BACH2: variants seen among roughly 807,000 people sequenced by gnomAD.
BACH2 encodes the protein transcription regulator protein BACH2.
A neutral mutation model predicts 61.8 loss-of-function variants in BACH2; 5 were observed. The ratio of observed to expected loss-of-function variants is 0.08; its 90% CI spans 0.04 to 0.17. The LOEUF is 0.17. Among genes scored for constraint, BACH2 ranks in the 10% least tolerant of loss-of-function variants. The pLI, the probability that BACH2 is intolerant of heterozygous loss-of-function variation, is 1.00. For missense variants in BACH2, 824 were observed against 1,091.1 expected, an observed-to-expected ratio of 0.76 and a Z score of 3.45; for synonymous variants, 446 against 440.1, an observed-to-expected ratio of 1.01 and a Z score of -0.17.
At chr6:89,999,028 GAACA>G (rs2127777519) in intron 6 of BACH2, among the ~76,000 whole-genome samples, 1 of 152,284 alleles carries the variant, frequency 6.6e-6, no homozygotes, top group East Asian at 1.9e-4. Flanking sequence ...AGAAAAGACA[GAACA>G]AAAACTGACT....
chr6:90,111,667 A>C (rs552907265), intron 4 of BACH2, among the ~76,000 whole-genome samples: 1 of 152,364 alleles, frequency 6.6e-6, no homozygotes, highest in Non-Finnish European at 1.5e-5. Flanking sequence ...GCCCATACAC[A>C]TCTTCCTATA....
rs555437589 is a variant in BACH2 at position 89,983,936 on chromosome 6, T to C, written c.243+24666A>G. Among the ~76,000 whole-genome samples, 20 of 152,348 alleles carry C rather than the reference T, an allele frequency of 1.3e-4. 1 individual carries two copies. In the South Asian group the frequency reaches 4.1e-3, roughly 32 times the overall value. ...TTTCATGGTCTTATTACTCCTTGCT[T>C]AGTCCGTTGCAACAACCTGGCTGTT... On this transcript the variant is annotated intron_variant, in intron 6 of 8. Coordinates refer to ENST00000257749, the MANE Select transcript of BACH2 (RefSeq NM_021813.4).
chr6:90,266,990 A>G (rs1771355921), intron 2 of BACH2, among the ~76,000 whole-genome samples: 3 of 152,160 alleles, frequency 2.0e-5, no homozygotes, highest in African/African-American at 4.8e-5. Context: ...ATGCCAAGCT[A>G]TAAAGATGCC....
Position 89,983,058 on chromosome 6 carries a change from C to T in BACH2, c.243+25544G>A, listed in dbSNP as rs916359318. Among the ~76,000 whole-genome samples, 5 of 152,192 alleles carry T rather than the reference C, an allele frequency of 3.3e-5. No homozygotes were observed. The South Asian group carries it at 1.0e-3, about 32-fold the overall frequency. On this transcript the variant is annotated intron_variant, in intron 6 of 8. Coordinates refer to ENST00000257749, the MANE Select transcript of BACH2 (RefSeq NM_021813.4). ...CACCCAGTTTCATTGGTTCCCTTTGCCTTGATTTGACCCCACCTGCAGGTG... is the reference window on the plus strand; with the variant it reads ...CACCCAGTTTCATTGGTTCCCTTTGTCTTGATTTGACCCCACCTGCAGGTG...
chr6:90,220,390 C>CA (rs1205395472), intron 3 of BACH2, among the ~76,000 whole-genome samples: 10 of 152,062 alleles, frequency 6.6e-5, no homozygotes, highest in East Asian at 5.8e-4. Context: ...ATATCAAGAA[C>CA]AAAAGAAAGA....
chr6:90,155,698 C>T (rs1784973009), intron 4 of BACH2, among the ~76,000 whole-genome samples: 1 of 152,134 alleles, frequency 6.6e-6, no homozygotes, highest in Non-Finnish European at 1.5e-5. Flanking sequence ...CTCTTTCCTG[C>T]TCTGTTTTTA....
intron 6 of BACH2, among the ~76,000 whole-genome samples, chr6:89,966,834 C>A (rs1775072782): frequency 6.6e-6 from 1 of 152,158 alleles, no homozygotes. Context: ...TCCAGGACTT[C>A]AGGTTGCTGG....
At chr6:89,992,111 T>C (rs1776607786) in intron 6 of BACH2, among the ~76,000 whole-genome samples, 1 of 152,230 alleles carries the variant, frequency 6.6e-6, no homozygotes, top group East Asian at 1.9e-4. Flanking sequence ...TTTCACTCTG[T>C]TGCCACCTAC....
chr6:90,223,500 C>T (rs935937473), intron 3 of BACH2, among the ~76,000 whole-genome samples: 7 of 152,132 alleles, frequency 4.6e-5, no homozygotes, highest in African/African-American at 1.7e-4. Flanking sequence ...CAGGGCCTCA[C>T]TGCAGTTGCC....
At chr6:89,969,658 T>C (rs1775252220) in intron 6 of BACH2, among the ~76,000 whole-genome samples, 1 of 152,216 alleles carries the variant, frequency 6.6e-6, no homozygotes, top group South Asian at 2.1e-4. Flanking sequence ...ATTAACACCC[T>C]TCTCTACCTG....
intron 6 of BACH2, among the ~76,000 whole-genome samples, chr6:89,969,715 C>T (rs1291516400): frequency 6.6e-6 from 1 of 152,158 alleles, no homozygotes; most frequent in African/African-American, 2.4e-5. Flanking sequence ...TCAAATGGGG[C>T]TCATAAAAGG....
In BACH2 at chr6:90,116,196, T is replaced by A. The variant is rs540239123; in HGVS notation, c.-161-27087A>T. On this transcript the variant is annotated intron_variant, in intron 4 of 8. Transcript: ENST00000257749. Reference sequence around the variant, plus strand: ...TCCCATAAAGACACACGCATGCAAATGTTCACTGCAGCACTGTTCACAATA... The same window carrying A: ...TCCCATAAAGACACACGCATGCAAAAGTTCACTGCAGCACTGTTCACAATA... Among the ~76,000 whole-genome samples the A allele has an allele frequency of 5.7e-4, 87 of 152,296 alleles. 1 individual carries two copies. In the South Asian group the frequency reaches 0.016, roughly 29 times the overall value.
chr6:90,045,847 C>T (rs1035870193), intron 5 of BACH2, among the ~76,000 whole-genome samples: 14 of 152,208 alleles, frequency 9.2e-5, no homozygotes, highest in Admixed American at 3.3e-4. Context: ...ACTTATTTTG[C>T]TTTTTAATCA....
At chr6:90,064,402 G>C (rs1397411265) in intron 5 of BACH2, among the ~76,000 whole-genome samples, 1 of 152,220 alleles carries the variant, frequency 6.6e-6, no homozygotes, top group Admixed American at 6.5e-5. Flanking sequence ...CAAATATTCT[G>C]AGGAATATGG....
chr6:90,276,838 TGAA>T (rs1305443535), intron 1 of BACH2, among the ~76,000 whole-genome samples: 2 of 152,096 alleles, frequency 1.3e-5, no homozygotes, highest in Non-Finnish European at 2.9e-5. Flanking sequence ...AAAGTTCTCT[TGAA>T]GAAAAAAAAT....
intron 6 of BACH2, among the ~76,000 whole-genome samples, chr6:89,984,191 C>T (rs537342780): frequency 6.6e-6 from 1 of 152,228 alleles, no homozygotes; most frequent in South Asian, 2.1e-4. Context: ...GCCCACTGCC[C>T]TCCACATCCA....
At chr6:90,138,759 TG>T (rs1226383329) in intron 4 of BACH2, among the ~76,000 whole-genome samples, 1 of 152,176 alleles carries the variant, frequency 6.6e-6, no homozygotes, top group Non-Finnish European at 1.5e-5. Context: ...ACCGATTTCT[TG>T]CCACTAAATA....
chr6:90,218,193 G>A (rs1769603652), intron 3 of BACH2: 1 of 152,158 alleles, frequency 6.6e-6, no homozygotes, highest in African/African-American at 2.4e-5. Flanking sequence ...CAGCCCCTTG[G>A]TAGTTTACCG....
chr6:90,136,569 AAT>A (rs1298376452), intron 4 of BACH2, among the ~76,000 whole-genome samples: 32 of 152,286 alleles, frequency 2.1e-4, no homozygotes, highest in African/African-American at 7.0e-4. Context: ...TCTCCTTATA[AAT>A]GTGATGCAGA....
Sources: gnomAD v4.1 joint callset for allele counts (sites outside exome capture counted in the v4.1 genomes callset) on GRCh38, gnomAD v4.1.1 for gene constraint, MANE v1.5 for transcripts, NCBI Gene and HGNC (gene_info 2026-07-23, HGNC 2026-07-21) for gene names.